AGBL4: variants seen among roughly 807,000 people sequenced by gnomAD.
The protein encoded by AGBL4 is AGBL carboxypeptidase 4.
In AGBL4, 58 loss-of-function variants were observed where a neutral mutation model predicts 66.4. That is an observed-to-expected ratio of 0.87 (90% CI 0.71 to 1.09). The LOEUF is 1.09. Among genes scored for constraint, AGBL4 ranks in the 50% least tolerant of loss-of-function variants. AGBL4 has a pLI of 0.00. For missense variants in AGBL4, 579 were observed against 631.0 expected, an observed-to-expected ratio of 0.92 and a Z score of 0.88; for synonymous variants, 234 against 222.9, an observed-to-expected ratio of 1.05 and a Z score of -0.44.
At chr1:50,019,048 T>C (rs1662211848) in intron 1 of AGBL4, among the ~76,000 whole-genome samples, 2 of 152,126 alleles carry the variant, frequency 1.3e-5, no homozygotes, top group Non-Finnish European at 2.9e-5. Flanking sequence ...ACTGTGAATG[T>C]GATATTGATG....
chr1:49,090,937 A>T (rs1171542872), intron 4 of AGBL4, among the ~76,000 whole-genome samples: 1 of 152,096 alleles, frequency 6.6e-6, no homozygotes, highest in South Asian at 2.1e-4. Context: ...AAAGCTGCAC[A>T]CTCACAACCA....
chr1:48,786,015 T>TA (rs35133989), intron 6 of AGBL4, among the ~76,000 whole-genome samples: 411 of 143,238 alleles, frequency 2.9e-3, no homozygotes, highest in East Asian at 4.0e-3. Flanking sequence ...CCCCTAGACT[T>TA]AAAAAAAAAA....
At chr1:49,705,731 TTGAG>T (rs1302527940) in intron 2 of AGBL4, among the ~76,000 whole-genome samples, 1 of 152,076 alleles carries the variant, frequency 6.6e-6, no homozygotes, top group Non-Finnish European at 1.5e-5. Flanking sequence ...ACCTAGTTTA[TTGAG>T]TGTTTTTTTT....
At chr1:48,883,314 A>C (rs1036956549) in intron 5 of AGBL4, among the ~76,000 whole-genome samples, 17 of 152,280 alleles carry the variant, frequency 1.1e-4, no homozygotes, top group African/African-American at 3.9e-4. Flanking sequence ...CCATTCTAAC[A>C]GGTGTCAGGT....
intron 2 of AGBL4, among the ~76,000 whole-genome samples, chr1:49,727,718 A>G (rs969845399): frequency 5.3e-5 from 8 of 152,186 alleles, no homozygotes; most frequent in Non-Finnish European, 1.0e-4. Flanking sequence ...CTCAGAAAGT[A>G]GAGGGCTGCT....
At chr1:49,398,909 G>A (rs1645027855) in intron 3 of AGBL4, among the ~76,000 whole-genome samples, 1 of 152,102 alleles carries the variant, frequency 6.6e-6, no homozygotes, top group Admixed American at 6.5e-5. Flanking sequence ...ACTATAGTCA[G>A]CCTGTTGTAC....
At chr1:49,793,674 A>G (rs1571579754) in intron 2 of AGBL4, among the ~76,000 whole-genome samples, 1 of 151,922 alleles carries the variant, frequency 6.6e-6, no homozygotes, top group Admixed American at 6.6e-5. Context: ...GTCTATGATA[A>G]CACAAGTGAA....
chr1:50,008,268 A>T (rs1456283416), intron 1 of AGBL4, among the ~76,000 whole-genome samples: 1 of 152,208 alleles, frequency 6.6e-6, no homozygotes, highest in Non-Finnish European at 1.5e-5. Flanking sequence ...ATATATTAGG[A>T]CACAAAACAA....
chr1:49,167,330 A>G (rs1174870898), intron 4 of AGBL4, among the ~76,000 whole-genome samples: 1 of 151,996 alleles, frequency 6.6e-6, no homozygotes, highest in African/African-American at 2.4e-5. Flanking sequence ...TTTTGCTCAC[A>G]TTTTTTCCAT....
intron 2 of AGBL4, among the ~76,000 whole-genome samples, chr1:49,785,145 T>C (rs1644421880): frequency 6.6e-6 from 1 of 152,046 alleles, no homozygotes; most frequent in Admixed American, 6.5e-5. Context: ...AAGTAGATAG[T>C]AGAATGGTGG....
intron 6 of AGBL4, among the ~76,000 whole-genome samples, chr1:48,856,824 C>T (rs1934384): frequency 0.48 from 73,170 of 151,948 alleles, 20,848 homozygotes; most frequent in Non-Finnish European, 0.65. Flanking sequence ...ATCTTCAGAA[C>T]ACAGCCTCAT....
intron 5 of AGBL4, among the ~76,000 whole-genome samples, chr1:49,025,168 A>G (rs140636729): frequency 1.2e-3 from 187 of 152,296 alleles, no homozygotes; most frequent in African/African-American, 4.3e-3. Flanking sequence ...TAATGTTTGC[A>G]GAGAGTGGAT....
intron 3 of AGBL4, among the ~76,000 whole-genome samples, chr1:49,694,495 TC>T (rs1345758424): frequency 6.6e-6 from 1 of 152,136 alleles, no homozygotes; most frequent in African/African-American, 2.4e-5. Context: ...ATAAACATGT[TC>T]ATGATTTCTA....
At chr1:48,630,555 G>A (rs904695545) in intron 9 of AGBL4, among the ~76,000 whole-genome samples, 17 of 152,078 alleles carry the variant, frequency 1.1e-4, no homozygotes, top group African/African-American at 3.1e-4. Context: ...CTTAGGTCTG[G>A]CTCCTTATTA....
chr1:49,366,248 G>A (rs1035016036), intron 3 of AGBL4, among the ~76,000 whole-genome samples: 1 of 152,148 alleles, frequency 6.6e-6, no homozygotes, highest in Non-Finnish European at 1.5e-5. Context: ...AGGTCCAATA[G>A]CAATGCTACA....
At chr1:49,684,091 C>A (rs948067519) in intron 3 of AGBL4, among the ~76,000 whole-genome samples, 1 of 152,174 alleles carries the variant, frequency 6.6e-6, no homozygotes, top group Non-Finnish European at 1.5e-5. Context: ...GAGCCTCTGA[C>A]AGTTTATCTG....
intron 4 of AGBL4, among the ~76,000 whole-genome samples, chr1:49,084,270 A>T (rs1411057296): frequency 6.6e-6 from 1 of 152,212 alleles, no homozygotes; most frequent in African/African-American, 2.4e-5. Context: ...ATTTTCAGGT[A>T]TCTTTAGAGC....
intron 11 of AGBL4, chr1:48,584,633 T>G (rs1644790333): frequency 3.3e-5 from 5 of 152,512 alleles, no homozygotes; most frequent in Admixed American, 3.3e-4. Flanking sequence ...GGGGAATCGC[T>G]TGAACCCAGG....
rs1557630089 is a variant in AGBL4, at chr1:49,971,911, T to TTTTTTTTTTTTG, written c.34+51851_34+51852insCAAAAAAAAAAA. Among the ~76,000 whole-genome samples, 2 of 82,742 alleles carry TTTTTTTTTTTTG rather than the reference T, an allele frequency of 2.4e-5. 1 individual carries two copies. The highest frequency in any genetic ancestry group is 5.0e-5 in the Non-Finnish European group (2 of 39,962). The allele number at this position is 82,742 out of a possible 152,430, so 54.3% of individuals were successfully genotyped here. ...ACAAGTGCAGGGTTTTTTTGGGTTTTTTTTTTTTTTTTTTTTTTTTTGCAG... is the reference window on the plus strand; with the variant it reads ...ACAAGTGCAGGGTTTTTTTGGGTTTTTTTTTTTTTTTGTTTTTTTTTTTTTTTTTTTTTGCAG... On this transcript the variant is annotated intron_variant, in intron 1 of 13. Coordinates refer to ENST00000371839, the MANE Select transcript of AGBL4 (RefSeq NM_032785.4).
Sources: allele counts gnomAD v4.1 joint callset (sites outside exome capture counted in the v4.1 genomes callset), GRCh38; gene constraint gnomAD v4.1.1; transcripts MANE v1.5; gene names NCBI Gene and HGNC (gene_info 2026-07-23, HGNC 2026-07-21).